Variants in C4orf51 observed in about 807,000 individuals in gnomAD.
C4orf51 encodes the protein uncharacterized protein C4orf51.
Under a neutral mutation model 25.2 loss-of-function variants are expected in C4orf51, and 25 were observed. The observed-to-expected ratio is 0.99, with a 90% CI of 0.72 to 1.39. C4orf51 has a LOEUF of 1.39. Ranked by LOEUF, C4orf51 falls within the 40% of genes most tolerant of loss-of-function variation. C4orf51 has a pLI of 0.00. For missense variants in C4orf51, 252 were observed against 239.6 expected (o/e 1.05, Z -0.34); for synonymous variants, 100 against 84.5 (o/e 1.18, Z -1.01).
chr4:145,731,744 A>G (rs1475238606), intron 5 of C4orf51, among the ~76,000 whole-genome samples: 1 of 151,552 alleles, frequency 6.6e-6, no homozygotes, highest in Non-Finnish European at 1.5e-5. Flanking sequence ...ACCACACCCA[A>G]CTAATTTTTG....
chr4:145,747,786 C>T (rs1422163560), intron 1 of C4orf51, among the ~76,000 whole-genome samples: 1 of 144,870 alleles, frequency 6.9e-6, no homozygotes, highest in African/African-American at 2.6e-5. Flanking sequence ...CTTTTGCTTC[C>T]TTCCCTCCTT....
chr4:145,761,431 C>T lies in C4orf51; in HGVS notation n.167-9557C>T. On this transcript the variant is annotated intron_variant and non_coding_transcript_variant, in intron 1 of 1. Coordinates refer to the C4orf51 transcript ENST00000510096. The surrounding 1 kb of genome is among the most constrained non-coding windows in gnomAD (Gnocchi z 6.8). ...CTTGGACAGGTAGCCGCACTGGTCG[C>T]ACTTGTAGTGGTTGCCCAGGCGGTG... 3 of 1,289,874 alleles carry T rather than the reference C, an allele frequency of 2.3e-6. No individual in the cohort carries two copies. Among genetic ancestry groups the T allele is most frequent in the Non-Finnish European group, 3.0e-6 (3 of 988,876 alleles). 79.9% of individuals were successfully genotyped at this position (1,289,874 alleles called of 1,614,324 possible). A position where few individuals can be genotyped will look rare whatever the true frequency, so the allele number is the denominator to read the frequency against.
intron 1 of C4orf51, among the ~76,000 whole-genome samples, chr4:145,682,508 C>T (rs1728901335): frequency 6.6e-6 from 1 of 152,130 alleles, no homozygotes; most frequent in Non-Finnish European, 1.5e-5. Context: ...TGGGACAAAA[C>T]ATAAAATGAC....
chr4:145,779,584 A>T, the C4orf51 span: 1 of 1,555,406 alleles, frequency 6.4e-7, no homozygotes, highest in South Asian at 1.2e-5. Context: ...AACATTCAGG[A>T]TTTCAGCAGA....
intron 1 of C4orf51, among the ~76,000 whole-genome samples, chr4:145,748,304 G>A (rs1733486360): frequency 1.3e-5 from 2 of 151,912 alleles, no homozygotes; most frequent in African/African-American, 2.4e-5. Context: ...TCTGGTTAAA[G>A]GTTTGTCAAA....
At chr4:145,728,990 C>A (rs1404876504) in intron 3 of C4orf51, among the ~76,000 whole-genome samples, 179 bp from the exon 4 acceptor site, 1 of 151,824 alleles carries the variant, frequency 6.6e-6, no homozygotes, top group East Asian at 1.9e-4. Flanking sequence ...AAACAATCTC[C>A]TGCCTCAGCC....
chr4:145,762,042 C>G lies in C4orf51; in HGVS notation n.167-8946C>G, dbSNP rs1490205857. 6.6e-6 allele frequency among the ~76,000 whole-genome samples: 1 copy of G among 152,108 alleles called. No homozygotes were observed. The highest frequency in any genetic ancestry group is 2.4e-5 in the African/African-American group (1 of 41,422). ...AGAATCGACTTTTCATGCACCACACCAAGCACACGCAGAAAGGCTAAGAGG... is the reference window on the plus strand; with the variant it reads ...AGAATCGACTTTTCATGCACCACACGAAGCACACGCAGAAAGGCTAAGAGG... On this transcript the variant is annotated intron_variant and non_coding_transcript_variant, in intron 1 of 1. Coordinates refer to the C4orf51 transcript ENST00000510096. The surrounding 1 kb of genome is among the most constrained non-coding windows in gnomAD (Gnocchi z 4.9).
At chr4:145,758,275 A>C (rs1443704094), downstream of C4orf51, 1 of 152,212 alleles carries the variant, frequency 6.6e-6, no homozygotes, top group Non-Finnish European at 1.5e-5. Context: ...TTCAGTGGCA[A>C]GCAGTGAAAT....
intron 2 of C4orf51, among the ~76,000 whole-genome samples, chr4:145,702,207 G>A (rs1224786534): frequency 6.6e-6 from 1 of 151,872 alleles, no homozygotes; most frequent in South Asian, 2.1e-4. Flanking sequence ...ACCAGACAAG[G>A]CTTACAAGTT....
chr4:145,750,134 T>C (rs1733592946), intron 1 of C4orf51, among the ~76,000 whole-genome samples: 1 of 152,220 alleles, frequency 6.6e-6, no homozygotes, highest in Non-Finnish European at 1.5e-5. Context: ...CATCTTTTAG[T>C]CTATTTAATA....
the C4orf51 span, among the ~76,000 whole-genome samples, chr4:145,778,525 T>C: frequency 6.6e-6 from 1 of 152,050 alleles, no homozygotes; most frequent in African/African-American, 2.4e-5. Context: ...GATGGAAGGA[T>C]CACTTGAACC....
intron 4 of C4orf51, among the ~76,000 whole-genome samples, chr4:145,729,483 A>G (rs1024859431): frequency 1.3e-4 from 20 of 151,622 alleles, no homozygotes; most frequent in Admixed American, 2.0e-4. Context: ...TTGTATTTTT[A>G]GTAGAGACGG....
At chr4:145,783,213 T>C in the C4orf51 span, among the ~76,000 whole-genome samples, 2 of 152,188 alleles carry the variant, frequency 1.3e-5, no homozygotes, top group Non-Finnish European at 2.9e-5. Context: ...ATTAGCACAA[T>C]CTCTGCTACA....
At chr4:145,774,959 C>T (rs914608620), downstream of C4orf51, among the ~76,000 whole-genome samples, 1 of 152,200 alleles carries the variant, frequency 6.6e-6, no homozygotes, top group Non-Finnish European at 1.5e-5. Flanking sequence ...ATTCCAGATG[C>T]TGCACATCAC....
chr4:145,692,752 A>G (rs1166258934), intron 1 of C4orf51, among the ~76,000 whole-genome samples: 2 of 152,212 alleles, frequency 1.3e-5, no homozygotes, highest in African/African-American at 4.8e-5. Flanking sequence ...CAGAGGCCCT[A>G]AAATAATTAC....
chr4:145,685,023 CCT>C (rs1263455880), intron 1 of C4orf51, among the ~76,000 whole-genome samples: 1 of 152,026 alleles, frequency 6.6e-6, no homozygotes, highest in African/African-American at 2.4e-5. Flanking sequence ...TTTTAACATA[CCT>C]CTGTCAGTAA....
At chr4:145,729,418 C>CA (rs1732310458) in intron 4 of C4orf51, among the ~76,000 whole-genome samples, 189 bp downstream of exon 4, 1 of 149,696 alleles carries the variant, frequency 6.7e-6, no homozygotes, top group Non-Finnish European at 1.5e-5. Flanking sequence ...TCTCCTGCCT[C>CA]AGCCTCCCGA....
At chr4:145,738,179 G>A (rs1467301627) in intron 1 of C4orf51, among the ~76,000 whole-genome samples, 1 of 152,220 alleles carries the variant, frequency 6.6e-6, no homozygotes, top group South Asian at 2.1e-4. Context: ...GCAGGGCTCA[G>A]TGGCTCACGC....
At chr4:145,708,977 T>C (rs534645159) in intron 2 of C4orf51, among the ~76,000 whole-genome samples, 1 of 152,316 alleles carries the variant, frequency 6.6e-6, no homozygotes, top group East Asian at 1.9e-4. Context: ...TTGATGCATG[T>C]TGAGAAGGGC....
Sources: gnomAD v4.1 joint callset for allele counts (sites outside exome capture counted in the v4.1 genomes callset) on GRCh38, gnomAD v4.1.1 for gene constraint, Gnocchi (gnomAD v3.1) non-coding constraint, MANE v1.5 for transcripts, NCBI Gene and HGNC (gene_info 2026-07-23, HGNC 2026-07-21) for gene names.